The following NFKBID variants were observed in gnomAD, a reference collection of about 807,000 sequenced individuals.
NFKBID encodes NF-kappa-B inhibitor delta.
Under a neutral mutation model 53.4 loss-of-function variants are expected in NFKBID, and 26 were observed. That is an observed-to-expected ratio of 0.49 (90% CI 0.36 to 0.68). The LOEUF is 0.68. NFKBID is among the 30% of genes least tolerant of loss of function. NFKBID has a pLI of 0.00. For missense variants in NFKBID, 493 were observed against 614.1 expected, an observed-to-expected ratio of 0.80 and a Z score of 2.08; for synonymous variants, 262 against 259.8, an observed-to-expected ratio of 1.01 and a Z score of -0.08.
chr19:35,901,256 G>A (rs1171253545), upstream of NFKBID, among the ~76,000 whole-genome samples: 1 of 152,092 alleles, frequency 6.6e-6, no homozygotes, highest in Non-Finnish European at 1.5e-5. Context: ...GAATATTACT[G>A]GGTCCAGAGG....
upstream of NFKBID, among the ~76,000 whole-genome samples, chr19:35,901,030 A>C (rs1383955065): frequency 6.6e-6 from 1 of 151,606 alleles, no homozygotes; most frequent in Non-Finnish European, 1.5e-5. Context: ...ATGGGGTTTC[A>C]CCGTGTTGGC....
In NFKBID at chr19:35,888,609, G is replaced by A. The variant is rs753586676; in HGVS notation, c.1318C>T (p.Arg440Trp). The change falls in exon 12 of 12, where the codon CGG becomes TGG. Residue 440 changes from arginine (R) to tryptophan (W), a missense_variant. This residue lies in a region of NFKBID where 267 missense variants were observed against 384.6 expected (regional missense o/e 0.69). Transcript: ENST00000641389. Reference sequence around the variant, plus strand: ...ACACGGCTCCTCTTCAACAGCTGCCGGAGCTGTAGACAAGGCAAAGGAGGG... The same window carrying A: ...ACACGGCTCCTCTTCAACAGCTGCCAGAGCTGTAGACAAGGCAAAGGAGGG... The A allele has an allele frequency of 3.6e-5, 56 of 1,571,372 alleles. No individual in the cohort carries two copies. The highest frequency in any genetic ancestry group is 5.6e-5 in the Admixed American group (3 of 53,818).
chr19:35,889,790 G>C (rs1974624469), intron 11 of NFKBID, 100 bp downstream of exon 11: 10 of 1,250,410 alleles, frequency 8.0e-6, no homozygotes, highest in African/African-American at 6.0e-5. Flanking sequence ...TCCGAGATTA[G>C]AAGTCATTCT....
At chr19:35,889,288 C>A (rs1974589708) in intron 11 of NFKBID, among the ~76,000 whole-genome samples, 1 of 150,594 alleles carries the variant, frequency 6.6e-6, no homozygotes, top group Non-Finnish European at 1.5e-5. Flanking sequence ...CCCAGGAGCT[C>A]GAGGCTGCAG....
chr19:35,901,066 C>T (rs8108360), upstream of NFKBID, among the ~76,000 whole-genome samples: 10,862 of 151,994 alleles, frequency 0.071, 923 homozygotes, highest in African/African-American at 0.21. Context: ...CTCCTGGCCT[C>T]AGGTGACCCG....
At chr19:35,897,587 T>C (rs1026468148) in intron 4 of NFKBID, 64 bp downstream of exon 4, 1 of 816,220 alleles carries the variant, frequency 1.2e-6, no homozygotes, top group South Asian at 1.4e-5. Flanking sequence ...CTCAGAATAC[T>C]GCAGGAGTGC....
At chr19:35,889,958 G>A (rs904700343) in exon 11 of NFKBID, 2 of 1,612,004 alleles carry the variant, frequency 1.2e-6, no homozygotes, top group Non-Finnish European at 8.5e-7. Context: ...CGCAGTGTGG[G>A]GTCCGCCCCA....
At chr19:35,894,461 C>T (rs1974991943) in intron 9 of NFKBID, among the ~76,000 whole-genome samples, 1 of 151,826 alleles carries the variant, frequency 6.6e-6, no homozygotes, top group Admixed American at 6.6e-5. Context: ...AATCCCAGCA[C>T]TTTCAGAGGC....
chr19:35,897,600 C>T, intron 4 of NFKBID, 51 bp downstream of exon 4: 1 of 910,902 alleles, frequency 1.1e-6, no homozygotes, highest in South Asian at 1.3e-5. Context: ...AGGAGTGCAA[C>T]TGCGAATTTT....
In NFKBID at chr19:35,889,883, T is replaced by C; in HGVS notation, c.1314+7A>G. 1 of 1,602,352 alleles carries C rather than the reference T, an allele frequency of 6.2e-7. No homozygotes were observed. Among genetic ancestry groups the C allele is most frequent in the South Asian group, 1.1e-5 (1 of 90,674 alleles). The stretch of plus-strand genomic sequence containing the variant: ...CCACTCTACAGGCAGGCTCAGTGCT[T>C]ACTTACCCCCTCAGGGCCCGGCCCG... On this transcript the variant is annotated splice_region_variant and intron_variant, in intron 11 of 11. Coordinates refer to ENST00000641389, the Ensembl canonical transcript of NFKBID.
At chr19:35,898,958 T>G (rs1275559882) in intron 1 of NFKBID, 136 bp from the exon 2 acceptor site, 2 of 629,234 alleles carry the variant, frequency 3.2e-6, no homozygotes, top group African/African-American at 1.8e-5. Flanking sequence ...AGATGCCGCC[T>G]GACTCCTCCA....
intron 9 of NFKBID, among the ~76,000 whole-genome samples, chr19:35,895,120 G>A (rs1190617961): frequency 6.6e-6 from 1 of 152,100 alleles, no homozygotes; most frequent in Admixed American, 6.6e-5. Flanking sequence ...GAAACTCAGT[G>A]CTTGATGAAT....
In NFKBID at chr19:35,896,764, C is replaced by G; in HGVS notation, c.646G>C (p.Val216Leu). 6.2e-7 allele frequency: 1 copy of G among 1,613,996 alleles called. No homozygotes were observed. Among genetic ancestry groups the G allele is most frequent in the African/African-American group, 1.3e-5 (1 of 75,046 alleles). The change falls in exon 6 of 12, where the codon GTG becomes CTG. Residue 216 changes from valine to leucine, a missense_variant. This residue lies in a region of NFKBID where 267 missense variants were observed against 384.6 expected (regional missense o/e 0.69). Transcript: ENST00000641389. The surrounding 1 kb of genome is among the most constrained non-coding windows in gnomAD (Gnocchi z 5.7). ...TCACGAATGTCAAGACGCCGGTACACCTGGAGCACCTCAGCCGCAGCATAT... is the reference window on the plus strand; with the variant it reads ...TCACGAATGTCAAGACGCCGGTACAGCTGGAGCACCTCAGCCGCAGCATAT...
At chr19:35,888,382 A>G in exon 12 of NFKBID, 2 of 589,232 alleles carry the variant, frequency 3.4e-6, no homozygotes, top group Non-Finnish European at 6.1e-6. Flanking sequence ...GGGGTATCAC[A>G]GCACCCCAAA....
rs1325756644 is a variant in NFKBID, at chr19:35,896,600, C to T, written c.685-62G>A. 1 of 1,587,088 alleles carries T rather than the reference C, an allele frequency of 6.3e-7. No homozygotes were observed. Among genetic ancestry groups the T allele is most frequent in the Non-Finnish European group, 8.6e-7 (1 of 1,158,612 alleles). ...TTCCCTCCCGTCAGAAAACCAGGCT[C>T]CCAGCCCCATCCCCCCTCAGCCCCA... On this transcript the variant is annotated intron_variant, in intron 6 of 11. Coordinates refer to ENST00000641389, the Ensembl canonical transcript of NFKBID. This position sits in a 1 kb window ranked among gnomAD's most constrained non-coding sequence, Gnocchi z 5.7.
At chr19:35,899,439 G>C (rs7253040) in intron 1 of NFKBID, among the ~76,000 whole-genome samples, 9,394 of 151,762 alleles carry the variant, frequency 0.062, 655 homozygotes, top group African/African-American at 0.17. Context: ...GTGGCAGGCG[G>C]CTGTATATCC....
Position 35,897,540 on chromosome 19 carries a change from G to A in NFKBID, c.432+111C>T, listed in dbSNP as rs553633210. 1.4e-4 allele frequency: 99 copies of A among 713,980 alleles called. No homozygotes were observed. In the African/African-American group the frequency reaches 1.5e-3, roughly 11 times the overall value. 44.2% of individuals were successfully genotyped at this position (713,980 alleles called of 1,614,324 possible). A position where few individuals can be genotyped will look rare whatever the true frequency, so the allele number is the denominator to read the frequency against. ...ATTACAGGTGTGAGCCACCACGCCCGGCCTGGAAAAGGGAATCGTAACTGA... is the reference window on the plus strand; with the variant it reads ...ATTACAGGTGTGAGCCACCACGCCCAGCCTGGAAAAGGGAATCGTAACTGA... On this transcript the variant is annotated intron_variant, in intron 4 of 11. Coordinates refer to ENST00000641389, the Ensembl canonical transcript of NFKBID.
At position 35,889,983 on chromosome 19, in the gene NFKBID, C is replaced by T; in HGVS notation, c.1221G>A (p.Arg407=). 5 of 1,611,130 alleles carry T rather than the reference C, an allele frequency of 3.1e-6. No individual in the cohort carries two copies. The South Asian group carries it at 4.4e-5, about 14-fold the overall frequency. The change falls in exon 11 of 12, where the codon CGG becomes CGA. Residue 407 remains arginine, a synonymous_variant. Transcript: ENST00000641389. Reference sequence around the variant, plus strand: ...GGTCCGCCCCAGCTGCCAACAGGTGCCGCACGATGGCCTCCTGGGCCGGCC... The same window carrying T: ...GGTCCGCCCCAGCTGCCAACAGGTGTCGCACGATGGCCTCCTGGGCCGGCC...
In NFKBID at chr19:35,896,427, C is replaced by T. The variant is rs769474042; in HGVS notation, c.796G>A (p.Val266Met). 23 of 1,614,084 alleles carry T rather than the reference C, an allele frequency of 1.4e-5. No individual in the cohort carries two copies. Among genetic ancestry groups the T allele is most frequent in the African/African-American group, 1.1e-4 (8 of 74,926 alleles). The change falls in exon 7 of 12, where the codon GTG becomes ATG. Residue 266 changes from valine to methionine, a missense_variant. Val to Met is a conservative substitution (Grantham distance 21). Transcript: ENST00000641389. The surrounding 1 kb of genome is among the most constrained non-coding windows in gnomAD (Gnocchi z 5.7). ...CCTGGGAGCCCGTAGGTAGCGGCCA[C>T]GTGCAAGACCGAACGTCCCTGATGG...
Sources: gnomAD v4.1 joint callset for allele counts (sites outside exome capture counted in the v4.1 genomes callset) on GRCh38, gnomAD v4.1.1 for gene constraint, gnomAD v4.1.1 regional missense constraint, Gnocchi (gnomAD v3.1) non-coding constraint, MANE v1.5 for transcripts, NCBI Gene and HGNC (gene_info 2026-07-23, HGNC 2026-07-21) for gene names.